ERICH6B: variants seen among roughly 807,000 people sequenced by gnomAD.
ERICH6B encodes the protein glutamate-rich protein 6B.
Under a neutral mutation model 80.0 loss-of-function variants are expected in ERICH6B, and 69 were observed. The observed-to-expected ratio is 0.86, with a 90% CI of 0.71 to 1.05. ERICH6B has a LOEUF of 1.05. Among genes scored for constraint, ERICH6B ranks in the 50% least tolerant of loss-of-function variants. The pLI is 0.00. For synonymous variants in ERICH6B, 283 were observed against 291.9 expected, an observed-to-expected ratio of 0.97 and a Z score of 0.31; for missense variants, 754 against 796.1, an observed-to-expected ratio of 0.95 and a Z score of 0.64.
chr13:45,556,108 G>A (rs184661901), intron 11 of ERICH6B, among the ~76,000 whole-genome samples: 43 of 151,640 alleles, frequency 2.8e-4, no homozygotes, highest in Admixed American at 1.1e-3. Context: ...CAGCCCAGCT[G>A]GAGGGCCCCC....
At chr13:45,561,034 T>G (rs1163000231) in intron 11 of ERICH6B, among the ~76,000 whole-genome samples, 1 of 152,120 alleles carries the variant, frequency 6.6e-6, no homozygotes, top group Admixed American at 6.6e-5. Context: ...CAAGTGATCC[T>G]CCCTCCTCAC....
chr13:45,600,774 T>A (rs141560181), intron 2 of ERICH6B, among the ~76,000 whole-genome samples: 1 of 152,368 alleles, frequency 6.6e-6, no homozygotes, highest in Non-Finnish European at 1.5e-5. Flanking sequence ...TGATTCCATA[T>A]CTTTGCTATT....
chr13:45,542,873 AG>A (rs1428836134), intron 14 of ERICH6B, among the ~76,000 whole-genome samples: 1 of 152,228 alleles, frequency 6.6e-6, no homozygotes, highest in Non-Finnish European at 1.5e-5. Flanking sequence ...TAGCAGTGAA[AG>A]TCCCATGTCC....
In ERICH6B at chr13:45,544,969, T is replaced by C; in HGVS notation, c.1663A>G (p.Asn555Asp). Residue 555 changes from asparagine to aspartate, a missense_variant, in exon 14 of 15, where the codon AAC (asparagine) becomes GAC (aspartate). Coordinates refer to ENST00000298738, the MANE Select transcript of ERICH6B (RefSeq NM_182542.3). Reference protein sequence around the residue: ...NSDIWLNLSSNLGYYFPKDKR... With the variant: ...NSDIWLNLSSDLGYYFPKDKR... ...TCTTTGGGGAAGTAGTAGCCCAGGT[T>C]GGAGCTCAGGTTCAACCTGGACCAG... The C allele has an allele frequency of 6.4e-7, 1 of 1,550,834 alleles. No individual in the cohort carries two copies. The highest frequency in any genetic ancestry group is 8.7e-7 in the Non-Finnish European group (1 of 1,146,990).
At chr13:45,603,941 T>C (rs1272168939) in intron 2 of ERICH6B, among the ~76,000 whole-genome samples, 1 of 152,212 alleles carries the variant, frequency 6.6e-6, no homozygotes, top group Non-Finnish European at 1.5e-5. Context: ...GGGTACGATG[T>C]GTGTTGAGTG....
chr13:45,567,061 G>A (rs967403345), intron 9 of ERICH6B, among the ~76,000 whole-genome samples: 2 of 152,206 alleles, frequency 1.3e-5, no homozygotes, highest in African/African-American at 4.8e-5. Context: ...GAACTTTAGG[G>A]TTTAATGACT....
At chr13:45,565,134 T>G (rs919482043) in intron 9 of ERICH6B, among the ~76,000 whole-genome samples, 1 of 148,328 alleles carries the variant, frequency 6.7e-6, no homozygotes, top group South Asian at 2.2e-4. Context: ...TTATTTGGTG[T>G]TTTTTTTTTG....
chr13:45,586,981 A>C, intron 5 of ERICH6B, 82 bp downstream of exon 5: 2 of 1,406,818 alleles, frequency 1.4e-6, no homozygotes, highest in South Asian at 2.9e-5. Flanking sequence ...TCGAGCCACA[A>C]TATTTCACAT....
rs1876362866 is a variant in ERICH6B at position 45,596,251 on chromosome 13, C to T, written c.637+118G>A. On this transcript the variant is annotated intron_variant, in intron 3 of 14. Transcript: ENST00000298738. ...ATCCTGGTAAACTAGAGTTACCATC[C>T]TTTGGGATGCCCTCCTCCAGATACT... 4 of 1,285,040 alleles carry T rather than the reference C, an allele frequency of 3.1e-6. No individual in the cohort carries two copies. In the African/African-American group the frequency reaches 6.0e-5, roughly 19 times the overall value. 79.6% of individuals were successfully genotyped at this position (1,285,040 alleles called of 1,614,324 possible).
chr13:45,595,174 T>C (rs1876311583), intron 3 of ERICH6B, among the ~76,000 whole-genome samples: 1 of 152,182 alleles, frequency 6.6e-6, no homozygotes, highest in Non-Finnish European at 1.5e-5. Flanking sequence ...CAACAGAGTG[T>C]AGGAATGTAT....
intron 2 of ERICH6B, among the ~76,000 whole-genome samples, chr13:45,604,288 G>T (rs1021573239): frequency 6.6e-6 from 1 of 152,220 alleles, no homozygotes; most frequent in Admixed American, 6.5e-5. Context: ...TTCATTGACT[G>T]CTAGCCGTTT....
chr13:45,580,828 C>T (rs1233368426), intron 5 of ERICH6B, among the ~76,000 whole-genome samples, 163 bp from the exon 6 acceptor site: 1 of 152,042 alleles, frequency 6.6e-6, no homozygotes, highest in Non-Finnish European at 1.5e-5. Flanking sequence ...ATATAGATGC[C>T]CCACTGCACC....
At chr13:45,588,848 G>A (rs890099634) in intron 4 of ERICH6B, among the ~76,000 whole-genome samples, 4 of 152,204 alleles carry the variant, frequency 2.6e-5, no homozygotes, top group Non-Finnish European at 4.4e-5. Context: ...CCTGTGTTAT[G>A]TTGCAATGGA....
In ERICH6B at chr13:45,585,133, C is replaced by T. The variant is rs111718512; in HGVS notation, c.856+1930G>A. ...AGAGTATGCTTGTTTGGAGTGAAAA[C>T]TGGAGCATTTCAAAGTCAGTTCGCA... On this transcript the variant is annotated intron_variant, in intron 5 of 14. Transcript: ENST00000298738. 2.5e-3 allele frequency among the ~76,000 whole-genome samples: 377 copies of T among 152,310 alleles called. 1 individual carries two copies. Among genetic ancestry groups the T allele is most frequent in the African/African-American group, 8.1e-3 (336 of 41,566 alleles).
At position 45,580,779 on chromosome 13, in the gene ERICH6B, A is replaced by T. The variant is rs548475736; in HGVS notation, c.857-114T>A. On this transcript the variant is annotated intron_variant, in intron 5 of 14. Transcript: ENST00000298738. The stretch of plus-strand genomic sequence containing the variant: ...CTTTCTTGGCACCCAAGGCTGGTCA[A>T]CAGTTGGGGGGAACTGAGGCTGGCG... 4 of 1,025,816 alleles carry T rather than the reference A, an allele frequency of 3.9e-6. No homozygotes were observed. The African/African-American group carries it at 6.5e-5, about 17-fold the overall frequency. 63.5% of individuals were successfully genotyped at this position (1,025,816 alleles called of 1,614,324 possible).
rs1566299933 is a variant in ERICH6B, at chr13:45,587,239, G to A, written c.687-7C>T. 1.3e-6 allele frequency: 2 copies of A among 1,551,436 alleles called. No individual in the cohort carries two copies. Among genetic ancestry groups the A allele is most frequent in the East Asian group, 4.9e-5 (2 of 40,916 alleles). ...GGGGCCAGCGTCTGGACTCCTGTCA[G>A]AGGGGAGAACAGGAAGGTCAACTTC... On this transcript the variant is annotated splice_region_variant and splice_polypyrimidine_tract_variant and intron_variant, in intron 4 of 14. Coordinates refer to ENST00000298738, the MANE Select transcript of ERICH6B (RefSeq NM_182542.3).
chr13:45,587,955 C>G (rs1437152524), intron 4 of ERICH6B, among the ~76,000 whole-genome samples: 1 of 152,180 alleles, frequency 6.6e-6, no homozygotes, highest in Admixed American at 6.5e-5. Flanking sequence ...AACATATAAA[C>G]AGGTGGTGAC....
chr13:45,590,421 T>A (rs984585902), intron 4 of ERICH6B, among the ~76,000 whole-genome samples: 1 of 152,006 alleles, frequency 6.6e-6, no homozygotes, highest in Non-Finnish European at 1.5e-5. Context: ...GCCCCTTTCA[T>A]CTCTAGTGGT....
intron 1 of ERICH6B, among the ~76,000 whole-genome samples, chr13:45,609,383 A>G (rs1949886833): frequency 6.6e-6 from 1 of 152,170 alleles, no homozygotes; most frequent in Non-Finnish European, 1.5e-5. Flanking sequence ...CACCTGGCTC[A>G]TTCTCAAGTT....
Sources: gnomAD v4.1 joint callset for allele counts (sites outside exome capture counted in the v4.1 genomes callset) on GRCh38, gnomAD v4.1.1 for gene constraint, MANE v1.5 for transcripts, NCBI Gene and HGNC (gene_info 2026-07-23, HGNC 2026-07-21) for gene names.